Variants in DAB2IP observed in about 807,000 individuals in gnomAD.
DAB2IP encodes DAB2 interacting protein, also known as disabled homolog 2-interacting protein.
DAB2IP carries 28 observed loss-of-function variants against 107.2 expected under a neutral mutation model. The ratio of observed to expected loss-of-function variants is 0.26; its 90% CI spans 0.19 to 0.36. The LOEUF is 0.36. Among genes scored for constraint, DAB2IP ranks in the 10% least tolerant of loss-of-function variants. The probability of loss-of-function intolerance (pLI) is 1.00; values close to 1 mark genes in which losing one functional copy is unlikely to be tolerated. For synonymous variants in DAB2IP, 755 were observed against 706.4 expected, an observed-to-expected ratio of 1.07 and a Z score of -1.09; for missense variants, 1,400 against 1,644.7, an observed-to-expected ratio of 0.85 and a Z score of 2.57.
At chr9:121,594,599 G>A (rs1156943359) in intron 1 of DAB2IP, among the ~76,000 whole-genome samples, 1 of 152,140 alleles carries the variant, frequency 6.6e-6, no homozygotes, top group African/African-American at 2.4e-5. Context: ...GCAGGTGGTG[G>A]GGTTGCTTTT....
intron 1 of DAB2IP, among the ~76,000 whole-genome samples, chr9:121,594,703 C>A (rs949458034): frequency 2.0e-5 from 3 of 152,158 alleles, no homozygotes; most frequent in African/African-American, 7.2e-5. Context: ...TGAGGCCAGG[C>A]CTCTTGCAGG....
At chr9:121,739,048 G>A (rs764453122) in intron 3 of DAB2IP, among the ~76,000 whole-genome samples, 10 of 152,258 alleles carry the variant, frequency 6.6e-5, no homozygotes, top group Non-Finnish European at 1.3e-4. Context: ...AATAGTGCTT[G>A]GCACATAGTT....
chr9:121,784,873 G>A (rs536770527), exon 16 of DAB2IP: 1 of 152,550 alleles, frequency 6.6e-6, no homozygotes, highest in Non-Finnish European at 1.5e-5. Flanking sequence ...AGTCAACGGG[G>A]GGCTCCTGCC....
intron 3 of DAB2IP, among the ~76,000 whole-genome samples, chr9:121,756,217 G>A (rs1483574896): frequency 6.6e-6 from 1 of 152,216 alleles, no homozygotes; most frequent in East Asian, 1.9e-4. Flanking sequence ...CTTTCCCTGT[G>A]ATGCACTGAG....
At chr9:121,783,229 T>C in exon 16 of DAB2IP, 1 of 1,229,462 alleles carries the variant, frequency 8.1e-7, no homozygotes, top group South Asian at 2.1e-5. Context: ...TGGCTTTTTC[T>C]TGTGAGCTCT....
Position 121,684,746 on chromosome 9 carries a change from AGC to A in DAB2IP, c.228+5966_228+5967del, listed in dbSNP as rs1828778349. 2.0e-5 allele frequency among the ~76,000 whole-genome samples: 3 copies of A among 152,172 alleles called. No homozygotes were observed. The highest frequency in any genetic ancestry group is 7.2e-5 in the African/African-American group (3 of 41,448). On this transcript the variant is annotated intron_variant, in intron 2 of 15. Coordinates refer to ENST00000408936, the Ensembl canonical transcript of DAB2IP. This position sits in a 1 kb window ranked among gnomAD's most constrained non-coding sequence, Gnocchi z 4.0. The stretch of plus-strand genomic sequence containing the variant: ...TGGCTGTTGGGGTGGGGAACAGAAA[AGC>A]CAGCCAGGCTCACAGATCAGACAAG...
chr9:121,608,747 T>C (rs1830978578), intron 1 of DAB2IP, among the ~76,000 whole-genome samples: 2 of 152,338 alleles, frequency 1.3e-5, no homozygotes, highest in South Asian at 4.1e-4. Context: ...TATTACTTTA[T>C]GGTGTTTGAC....
At chr9:121,622,756 C>T (rs1831517484) in intron 1 of DAB2IP, among the ~76,000 whole-genome samples, 1 of 152,170 alleles carries the variant, frequency 6.6e-6, no homozygotes, top group African/African-American at 2.4e-5. Flanking sequence ...CCACCCCCTG[C>T]CCCCAGGAGG....
rs1832064627 is a variant in DAB2IP at position 121,635,760 on chromosome 9, G to C, written c.41-42918G>C. On this transcript the variant is annotated intron_variant, in intron 1 of 16. Coordinates refer to the DAB2IP transcript ENST00000259371. This position sits in a 1 kb window ranked among gnomAD's most constrained non-coding sequence, Gnocchi z 4.3. ...ACAAGACAGTGGGGAGCGGGTTTTG[G>C]CCCAGCCCCACGCAGAGCCTTAAAG... is the stretch of plus-strand genomic sequence containing the variant. 6.6e-6 allele frequency among the ~76,000 whole-genome samples: 1 copy of C among 152,140 alleles called. No homozygotes were observed. The highest frequency in any genetic ancestry group is 1.5e-5 in the Non-Finnish European group (1 of 68,024).
chr9:121,737,994 T>C (rs1832048808), intron 3 of DAB2IP, among the ~76,000 whole-genome samples: 1 of 150,858 alleles, frequency 6.6e-6, no homozygotes, highest in South Asian at 2.1e-4. Flanking sequence ...AACTGGTTCC[T>C]CCTCCAGGGA....
intron 2 of DAB2IP, among the ~76,000 whole-genome samples, chr9:121,695,769 C>T (rs372638765): frequency 3.9e-5 from 6 of 152,372 alleles, no homozygotes; most frequent in African/African-American, 1.4e-4. Context: ...GTGTTTTTAA[C>T]AGTCCTGTAC....
rs1226424859 is a variant in DAB2IP, at chr9:121,762,632, C to T, written c.1171-873C>T. Among the ~76,000 whole-genome samples the T allele has an allele frequency of 2.6e-5, 4 of 152,216 alleles. No individual in the cohort carries two copies. In the East Asian group the frequency reaches 5.8e-4, roughly 22 times the overall value. On this transcript the variant is annotated intron_variant, in intron 6 of 15. Coordinates refer to ENST00000408936, the Ensembl canonical transcript of DAB2IP. ...TCTTGAGCACAGATGCCTGGGTCCA[C>T]CCCTCCTGGGCACCTTGCAGGCTCT...
intron 2 of DAB2IP, among the ~76,000 whole-genome samples, chr9:121,689,674 G>A (rs1159201641): frequency 1.3e-5 from 2 of 152,152 alleles, no homozygotes; most frequent in Non-Finnish European, 2.9e-5. Context: ...AAGTGCAGGG[G>A]AATCCTACCC....
intron 8 of DAB2IP, 71 bp downstream of exon 8, chr9:121,763,950 AGT>A: frequency 6.4e-7 from 1 of 1,574,592 alleles, no homozygotes; most frequent in Non-Finnish European, 8.7e-7. Context: ...TGGCACCCGC[AGT>A]GTGCCTGATG....
intron 1 of DAB2IP, among the ~76,000 whole-genome samples, chr9:121,572,782 G>T (rs1217665691): frequency 1.3e-5 from 2 of 151,696 alleles, no homozygotes; most frequent in Non-Finnish European, 2.9e-5. Context: ...ACTCGTACAG[G>T]AGCGGGGGTT....
At chr9:121,783,599 C>T (rs373208241) in exon 16 of DAB2IP, 32 of 1,602,418 alleles carry the variant, frequency 2.0e-5, no homozygotes, top group African/African-American at 1.2e-4. Flanking sequence ...TTAAGTTGAG[C>T]GTGCGCACTG....
intron 3 of DAB2IP, among the ~76,000 whole-genome samples, chr9:121,712,934 C>T (rs746275372): frequency 1.2e-4 from 18 of 152,240 alleles, no homozygotes; most frequent in Non-Finnish European, 2.6e-4. Context: ...TTCCCATCCA[C>T]ACCGGCACTC....
intron 1 of DAB2IP, among the ~76,000 whole-genome samples, chr9:121,632,225 G>T (rs1169197703): frequency 2.0e-5 from 3 of 152,226 alleles, no homozygotes; most frequent in African/African-American, 7.2e-5. Flanking sequence ...GACGCACGGT[G>T]ATAGCAGCAC....
At chr9:121,720,173 G>A (rs772288246) in intron 3 of DAB2IP, among the ~76,000 whole-genome samples, 4 of 152,176 alleles carry the variant, frequency 2.6e-5, no homozygotes, top group African/African-American at 4.8e-5. Flanking sequence ...CCCTCACCCC[G>A]TGTCTGGGTC....
Sources: allele counts gnomAD v4.1 joint callset (sites outside exome capture counted in the v4.1 genomes callset), GRCh38; gene constraint gnomAD v4.1.1; non-coding constraint Gnocchi (gnomAD v3.1); transcripts MANE v1.5; gene names NCBI Gene and HGNC (gene_info 2026-07-23, HGNC 2026-07-21).